AKAP7: variants seen among roughly 807,000 people sequenced by gnomAD.
The protein encoded by AKAP7 is A kinase (PRKA) anchor protein 7.
AKAP7 carries 39 observed loss-of-function variants against 39.5 expected under a neutral mutation model. The observed-to-expected ratio is 0.99, with a 90% CI of 0.76 to 1.29. AKAP7 has a LOEUF of 1.29. Among genes scored for constraint, AKAP7 ranks in the 50% most tolerant of loss-of-function variants. The pLI, the probability that AKAP7 is intolerant of heterozygous loss-of-function variation, is 0.00. For synonymous variants in AKAP7, 140 were observed against 139.1 expected, an observed-to-expected ratio of 1.01 and a Z score of -0.05; for missense variants, 414 against 407.7, an observed-to-expected ratio of 1.02 and a Z score of -0.13.
At chr6:131,215,469 C>A (rs1418141829) in intron 6 of AKAP7, among the ~76,000 whole-genome samples, 2 of 152,214 alleles carry the variant, frequency 1.3e-5, no homozygotes, top group African/African-American at 2.4e-5. Flanking sequence ...GGAACTGAGC[C>A]TCCTCCTGAC....
intron 7 of AKAP7, among the ~76,000 whole-genome samples, chr6:131,234,736 C>T (rs1403948974): frequency 6.7e-6 from 1 of 149,674 alleles, no homozygotes; most frequent in Non-Finnish European, 1.5e-5. Context: ...GTTAACTTTA[C>T]AATTCAGTCT....
At chr6:131,212,694 T>TA (rs1461206060) in intron 6 of AKAP7, among the ~76,000 whole-genome samples, 2 of 152,160 alleles carry the variant, frequency 1.3e-5, no homozygotes, top group African/African-American at 4.8e-5. Context: ...CCTGGGTAGT[T>TA]AGGCAGAGTA....
At chr6:131,163,915 G>A (rs1051935898) in intron 3 of AKAP7, among the ~76,000 whole-genome samples, 2 of 151,894 alleles carry the variant, frequency 1.3e-5, no homozygotes, top group African/African-American at 4.8e-5. Flanking sequence ...ATTCTACAAG[G>A]ACAGAGAGAG....
chr6:131,135,780 C>T lies in AKAP7; in HGVS notation c.17C>T (p.Ala6Val), dbSNP rs1800479589. MERPE[A>V]GGINSNECEN... ...GCCGCGACCATGGAGCGCCCCGAAG[C>T]GGGTGAGACCGGGCTGTCCAGCGGG... is the stretch of plus-strand genomic sequence containing the variant. The change falls in exon 1 of 8, where the codon GCG (alanine) becomes GTG (valine). Residue 6 changes from alanine to valine, a missense_variant and splice_region_variant. By Grantham distance (64) the Ala-to-Val change is moderately conservative. Coordinates refer to ENST00000431975, the MANE Select transcript of AKAP7 (RefSeq NM_016377.4). 7.3e-6 allele frequency: 9 copies of T among 1,228,440 alleles called. No individual in the cohort carries two copies. The highest frequency in any genetic ancestry group is 9.1e-6 in the Non-Finnish European group (9 of 986,230). 76.1% of individuals were successfully genotyped at this position (1,228,440 alleles called of 1,614,324 possible). A position where few individuals can be genotyped will look rare whatever the true frequency, so the allele number is the denominator to read the frequency against.
intron 7 of AKAP7, among the ~76,000 whole-genome samples, chr6:131,261,172 G>A (rs540512620): frequency 2.5e-4 from 35 of 142,182 alleles, no homozygotes; most frequent in African/African-American, 8.2e-4. Flanking sequence ...CAACAAGAGC[G>A]AATGCAGCCT....
chr6:131,245,973 G>A (rs560794691), intron 7 of AKAP7, among the ~76,000 whole-genome samples: 358 of 152,028 alleles, frequency 2.4e-3, no homozygotes, highest in Non-Finnish European at 4.4e-3. Flanking sequence ...CAGAAGATTG[G>A]GAATTTGTAC....
intron 2 of AKAP7, among the ~76,000 whole-genome samples, chr6:131,146,521 T>C (rs914279255): frequency 1.3e-5 from 2 of 152,200 alleles, no homozygotes; most frequent in African/African-American, 4.8e-5. Flanking sequence ...GATATTTGGG[T>C]TTACCTTCAC....
At chr6:131,188,195 A>G (rs923766624) in intron 5 of AKAP7, among the ~76,000 whole-genome samples, 1 of 151,418 alleles carries the variant, frequency 6.6e-6, no homozygotes. Context: ...AAATTTTTAA[A>G]TTGAAGTTGG....
At chr6:131,146,142 TG>T (rs1261733004) in intron 2 of AKAP7, among the ~76,000 whole-genome samples, 4 of 152,210 alleles carry the variant, frequency 2.6e-5, no homozygotes, top group Non-Finnish European at 5.9e-5. Context: ...GTGAACAAGA[TG>T]GGCATTATCA....
intron 7 of AKAP7, among the ~76,000 whole-genome samples, chr6:131,239,475 T>C (rs1006986746): frequency 3.3e-5 from 5 of 152,208 alleles, no homozygotes; most frequent in Non-Finnish European, 5.9e-5. Flanking sequence ...TTGGGGAAGT[T>C]CTCCTGGATA....
Position 131,152,553 on chromosome 6 carries a change from C to T in AKAP7, c.151+7137C>T, listed in dbSNP as rs554378547. Among the ~76,000 whole-genome samples the T allele has an allele frequency of 4.6e-5, 7 of 152,186 alleles. No individual in the cohort carries two copies. The South Asian group carries it at 8.3e-4, about 18-fold the overall frequency. ...AGAGAGAAGAAATATTGGGGCCGGG[C>T]GTGGTGGCTCACGCCTGTAATCTCA... On this transcript the variant is annotated intron_variant, in intron 2 of 7. Coordinates refer to ENST00000431975, the MANE Select transcript of AKAP7 (RefSeq NM_016377.4).
intron 7 of AKAP7, among the ~76,000 whole-genome samples, chr6:131,231,699 TA>T (rs1810638370): frequency 1.3e-5 from 2 of 152,160 alleles, no homozygotes; most frequent in Non-Finnish European, 2.9e-5. Context: ...TAGGCTGGGA[TA>T]AAAGAAGAAA....
chr6:131,208,104 G>A (rs1010717507), intron 6 of AKAP7, among the ~76,000 whole-genome samples: 2 of 152,080 alleles, frequency 1.3e-5, no homozygotes, highest in African/African-American at 2.4e-5. Flanking sequence ...GAGGTAGAAT[G>A]TAATTTCTTC....
upstream of AKAP7, among the ~76,000 whole-genome samples, chr6:131,132,052 A>G (rs1351783961): frequency 6.6e-6 from 1 of 152,142 alleles, no homozygotes; most frequent in African/African-American, 2.4e-5. Context: ...GTGGGTCACA[A>G]CTGTAATCCC....
intron 2 of AKAP7, among the ~76,000 whole-genome samples, chr6:131,156,410 G>T (rs983637093): frequency 2.6e-5 from 4 of 152,088 alleles, no homozygotes; most frequent in African/African-American, 9.7e-5. Flanking sequence ...GGCTAAGGTG[G>T]GAGGATTGCT....
At chr6:131,211,747 T>G (rs1585099111) in intron 6 of AKAP7, among the ~76,000 whole-genome samples, 1 of 123,962 alleles carries the variant, frequency 8.1e-6, no homozygotes, top group South Asian at 2.5e-4. Flanking sequence ...CACTCCAGCC[T>G]GGGAGACAGA....
the AKAP7 span, among the ~76,000 whole-genome samples, chr6:131,128,682 C>A: frequency 2.6e-5 from 4 of 151,812 alleles, no homozygotes; most frequent in African/African-American, 4.8e-5. Context: ...ATTAGCCAGG[C>A]GTGGTGGCGT....
intron 7 of AKAP7, among the ~76,000 whole-genome samples, chr6:131,262,618 A>AAAAT (rs1562251761): frequency 7.3e-4 from 111 of 151,884 alleles, no homozygotes; most frequent in African/African-American, 2.5e-3. Flanking sequence ...TTTTTAAAAA[A>AAAAT]ATATATATAT....
chr6:131,276,767 T>C (rs929366983), intron 7 of AKAP7, among the ~76,000 whole-genome samples: 3 of 152,186 alleles, frequency 2.0e-5, no homozygotes, highest in African/African-American at 4.8e-5. Context: ...TTAAACTGTA[T>C]TGTAATGAAG....
Sources: allele counts gnomAD v4.1 joint callset (sites outside exome capture counted in the v4.1 genomes callset), GRCh38; gene constraint gnomAD v4.1.1; transcripts MANE v1.5; gene names NCBI Gene and HGNC (gene_info 2026-07-23, HGNC 2026-07-21).